The following STARD13 variants were observed in gnomAD, a reference collection of about 807,000 sequenced individuals.
STARD13 encodes stAR-related lipid transfer protein 13.
Under a neutral mutation model 106.4 loss-of-function variants are expected in STARD13, and 62 were observed. The observed-to-expected ratio is 0.58, with a 90% CI of 0.48 to 0.72. The LOEUF (loss-of-function observed/expected upper bound fraction) is 0.72. Among genes scored for constraint, STARD13 ranks in the 30% least tolerant of loss-of-function variants. The pLI is 0.00. For synonymous variants in STARD13, 565 were observed against 553.0 expected, an observed-to-expected ratio of 1.02 and a Z score of -0.31; for missense variants, 1,387 against 1,424.0, an observed-to-expected ratio of 0.97 and a Z score of 0.42.
At chr13:33,163,699 C>CAT (rs1165682895) in intron 3 of STARD13, among the ~76,000 whole-genome samples, 1 of 95,400 alleles carries the variant, frequency 1.0e-5, no homozygotes, top group African/African-American at 4.8e-5. Context: ...ATATATATAA[C>CAT]ATATATATAA....
intron 1 of STARD13, among the ~76,000 whole-genome samples, chr13:33,319,505 G>T (rs539382435): frequency 6.6e-6 from 1 of 152,282 alleles, no homozygotes; most frequent in East Asian, 1.9e-4. Flanking sequence ...ACTGAAGTGT[G>T]CATTTTATAA....
intron 1 of STARD13, among the ~76,000 whole-genome samples, chr13:33,210,094 G>A (rs1255870076): frequency 6.6e-6 from 1 of 152,198 alleles, no homozygotes; most frequent in East Asian, 1.9e-4. Context: ...GAAGGGGCAA[G>A]GTAGGAAGGA....
chr13:33,646,771 G>A, the STARD13 span, among the ~76,000 whole-genome samples: 5 of 151,898 alleles, frequency 3.3e-5, no homozygotes, highest in Admixed American at 6.6e-5. Flanking sequence ...TTACATTCCT[G>A]CAAAATTCAA....
chr13:33,606,914 TCC>T, the STARD13 span, among the ~76,000 whole-genome samples: 1 of 152,188 alleles, frequency 6.6e-6, no homozygotes, highest in Non-Finnish European at 1.5e-5. Context: ...TCTGCCTCTC[TCC>T]CAGGCACTTT....
chr13:33,249,836 C>T (rs1205951119), intron 1 of STARD13, among the ~76,000 whole-genome samples: 1 of 152,090 alleles, frequency 6.6e-6, no homozygotes, highest in Non-Finnish European at 1.5e-5. Context: ...GTCACCCAGG[C>T]CAGAGTGCAG....
the STARD13 span, among the ~76,000 whole-genome samples, chr13:33,378,867 T>C: frequency 2.0e-5 from 3 of 151,456 alleles, no homozygotes; most frequent in African/African-American, 7.3e-5. Flanking sequence ...CCTAGGACTT[T>C]GGGAGGCTGA....
At chr13:33,496,073 T>C in the STARD13 span, among the ~76,000 whole-genome samples, 1 of 142,026 alleles carries the variant, frequency 7.0e-6, no homozygotes. Flanking sequence ...TTATATATAG[T>C]TAATATATAA....
the STARD13 span, among the ~76,000 whole-genome samples, chr13:33,672,727 A>G: frequency 2.0e-5 from 3 of 152,236 alleles, no homozygotes; most frequent in African/African-American, 7.2e-5. Flanking sequence ...TTGATCACCC[A>G]TACTTGAATA....
At chr13:33,505,147 T>C in the STARD13 span, among the ~76,000 whole-genome samples, 2 of 152,142 alleles carry the variant, frequency 1.3e-5, no homozygotes, top group Non-Finnish European at 2.9e-5. Context: ...AAAATAAACA[T>C]TTATTGAGTG....
chr13:33,106,770 C>A lies in STARD13; in HGVS notation c.3212G>T (p.Arg1071Met). The part of the protein sequence containing the change: ...SGKSRLTHIC[R>M]IDLKGHSPEW... ...AGTCAGCACTTACTTCAGGTCTATC[C>A]TGCAGATGTGAGTCAGTCTTGACTT... Residue 1071 changes from arginine to methionine, a missense_variant, in exon 13 of 14, where the codon AGG becomes ATG. Transcript: ENST00000336934. 1 of 1,612,838 alleles carries A rather than the reference C, an allele frequency of 6.2e-7. No individual in the cohort carries two copies. The highest frequency in any genetic ancestry group is 8.5e-7 in the Non-Finnish European group (1 of 1,179,238).
chr13:33,283,150 G>T (rs1007740341), intron 1 of STARD13, among the ~76,000 whole-genome samples: 2 of 152,152 alleles, frequency 1.3e-5, no homozygotes, highest in African/African-American at 4.8e-5. Flanking sequence ...AATATAACCT[G>T]ACAGGAAATT....
At chr13:33,427,895 T>A in the STARD13 span, among the ~76,000 whole-genome samples, 3 of 146,140 alleles carry the variant, frequency 2.1e-5, no homozygotes, top group Admixed American at 2.1e-4. Flanking sequence ...GCAGAGGTTG[T>A]GGTGAGCTGA....
At chr13:33,630,514 G>A in the STARD13 span, among the ~76,000 whole-genome samples, 3 of 149,922 alleles carry the variant, frequency 2.0e-5, no homozygotes, top group African/African-American at 7.4e-5. Context: ...TGCGTGCAGA[G>A]ATTCAACGTA....
the STARD13 span, among the ~76,000 whole-genome samples, chr13:33,414,367 A>G: frequency 6.6e-6 from 1 of 152,188 alleles, no homozygotes; most frequent in Admixed American, 6.5e-5. Flanking sequence ...AGCTTTATTG[A>G]TGATAGTCCC....
chr13:33,568,520 G>A, the STARD13 span, among the ~76,000 whole-genome samples: 2 of 147,880 alleles, frequency 1.4e-5, no homozygotes, highest in Non-Finnish European at 3.0e-5. Context: ...TAGTAACAGA[G>A]GTAAGCTATC....
intron 3 of STARD13, among the ~76,000 whole-genome samples, chr13:33,152,788 CA>C (rs1881452174): frequency 1.3e-5 from 2 of 152,186 alleles, no homozygotes; most frequent in African/African-American, 4.8e-5. Flanking sequence ...TGCTCAAGCA[CA>C]AGCCTTGAAA....
chr13:33,140,144 T>C (rs1373489845), intron 4 of STARD13, among the ~76,000 whole-genome samples: 4 of 152,248 alleles, frequency 2.6e-5, no homozygotes, highest in African/African-American at 9.6e-5. Flanking sequence ...CAAACAAATG[T>C]TATTCAAGCC....
chr13:33,536,775 C>G, the STARD13 span, among the ~76,000 whole-genome samples: 2 of 152,300 alleles, frequency 1.3e-5, no homozygotes, highest in African/African-American at 4.8e-5. Context: ...CTGAACAGAA[C>G]TTCCCTGTGA....
chr13:33,325,047 C>CATATAT (rs71071091), intron 1 of STARD13, among the ~76,000 whole-genome samples: 66 of 150,780 alleles, frequency 4.4e-4, no homozygotes, highest in African/African-American at 1.4e-3. Context: ...TGCATGTGTG[C>CATATAT]ATATATATAT....
Sources: allele counts gnomAD v4.1 joint callset (sites outside exome capture counted in the v4.1 genomes callset), GRCh38; gene constraint gnomAD v4.1.1; transcripts MANE v1.5; gene names NCBI Gene and HGNC (gene_info 2026-07-23, HGNC 2026-07-21).